PLCH1: variants seen among roughly 807,000 people sequenced by gnomAD.
PLCH1 encodes phospholipase C eta 1.
In PLCH1, 60 loss-of-function variants were observed where a neutral mutation model predicts 126.7. That is an observed-to-expected ratio of 0.47 (90% CI 0.38 to 0.59). PLCH1 has a LOEUF of 0.59. Ranked by LOEUF, PLCH1 falls within the 20% of genes least tolerant of loss-of-function variation. The pLI is 0.00. For synonymous variants in PLCH1, 719 were observed against 734.9 expected (o/e 0.98, Z 0.35); for missense variants, 1,723 against 2,040.0 (o/e 0.84, Z 2.99).
Position 155,554,151 on chromosome 3 carries a change from C to T in PLCH1, c.1115G>A (p.Gly372Asp). Reference protein sequence around the residue: ...GPDGEPVVHHGYTLTSKILFR... With the variant: ...GPDGEPVVHHDYTLTSKILFR... ...GAGAATTTTTGAAGTGAGAGTGTAA[C>T]CATGATGTACTACTGGCTCTCCATC... The change falls in exon 9 of 23, where the codon GGT becomes GAT. Residue 372 changes from glycine to aspartate, a missense_variant. By Grantham distance (94) the Gly-to-Asp change is moderately conservative. Transcript: ENST00000460012. The T allele has an allele frequency of 1.2e-6, 2 of 1,613,712 alleles. No homozygotes were observed. Among genetic ancestry groups the T allele is most frequent in the South Asian group, 1.1e-5 (1 of 91,064 alleles).
At chr3:155,647,300 G>A (rs758194283) in intron 2 of PLCH1, among the ~76,000 whole-genome samples, 4 of 151,702 alleles carry the variant, frequency 2.6e-5, no homozygotes, top group Non-Finnish European at 5.9e-5. Context: ...TCCTCTTAAC[G>A]TTTTAAAGAA....
intron 21 of PLCH1, among the ~76,000 whole-genome samples, chr3:155,451,164 C>CA (rs1712299952): frequency 6.6e-6 from 1 of 151,764 alleles, no homozygotes; most frequent in African/African-American, 2.4e-5. Context: ...TAAGAGAATT[C>CA]AAATTAATAA....
intron 2 of PLCH1, among the ~76,000 whole-genome samples, chr3:155,624,976 T>C (rs995159832): frequency 2.0e-5 from 3 of 152,138 alleles, no homozygotes; most frequent in Non-Finnish European, 2.9e-5. Flanking sequence ...GGCATCATGG[T>C]ACCTGACTTC....
intron 1 of PLCH1, among the ~76,000 whole-genome samples, chr3:155,719,599 A>C (rs1432169531): frequency 6.6e-6 from 1 of 151,950 alleles, no homozygotes; most frequent in East Asian, 1.9e-4. Context: ...TTGTGGAGTG[A>C]ATTAGGGGAT....
intron 1 of PLCH1, among the ~76,000 whole-genome samples, chr3:155,716,364 T>C (rs1452546156): frequency 2.0e-5 from 3 of 152,254 alleles, no homozygotes; most frequent in Non-Finnish European, 4.4e-5. Flanking sequence ...TATTAGTTAC[T>C]TCATTCAAAT....
Position 155,617,811 on chromosome 3 carries a change from C to T in PLCH1, c.80-21433G>A, listed in dbSNP as rs915678617. The stretch of plus-strand genomic sequence containing the variant: ...GAAAAAACTGGTCCTCACATACCTT[C>T]TCTACCCAGTCCCTGTACAGGAGTC... On this transcript the variant is annotated intron_variant, in intron 2 of 22. Transcript: ENST00000460012. Among the ~76,000 whole-genome samples, 7 of 152,210 alleles carry T rather than the reference C, an allele frequency of 4.6e-5. No homozygotes were observed. In the South Asian group the frequency reaches 1.4e-3, roughly 31 times the overall value.
intron 6 of PLCH1, among the ~76,000 whole-genome samples, chr3:155,572,722 G>A (rs1008351546): frequency 8.6e-5 from 12 of 139,850 alleles, no homozygotes; most frequent in East Asian, 4.1e-4. Context: ...TTCTTTTCTC[G>A]TGGCATCCTT....
At chr3:155,530,647 AC>A (rs1466818455) in intron 10 of PLCH1, among the ~76,000 whole-genome samples, 3 of 152,000 alleles carry the variant, frequency 2.0e-5, no homozygotes, top group Non-Finnish European at 4.4e-5. Flanking sequence ...GAAGTCTTGA[AC>A]CCCTCAACGT....
intron 1 of PLCH1, among the ~76,000 whole-genome samples, chr3:155,729,537 TG>T (rs1748596349): frequency 6.6e-6 from 1 of 152,216 alleles, no homozygotes. Flanking sequence ...GAACAGTAGA[TG>T]CTCAAATCTC....
At chr3:155,628,356 GAAAA>G (rs34200511) in intron 2 of PLCH1, among the ~76,000 whole-genome samples, 23 of 98,146 alleles carry the variant, frequency 2.3e-4, no homozygotes, top group Middle Eastern at 5.3e-3. Flanking sequence ...CTATGCCCAG[GAAAA>G]AAAAAAAAAA....
At position 155,552,898 on chromosome 3, in the gene PLCH1, T is replaced by C. The variant is rs114511364; in HGVS notation, c.1190+1178A>G. On this transcript the variant is annotated intron_variant, in intron 9 of 22. Transcript: ENST00000460012. ...GTAGAATTGCCAAGAATTGGTTGAGTCTAGAATGACTCCCAGTTTCTGGCT... is the reference window on the plus strand; with the variant it reads ...GTAGAATTGCCAAGAATTGGTTGAGCCTAGAATGACTCCCAGTTTCTGGCT... 5.4e-3 allele frequency among the ~76,000 whole-genome samples: 824 copies of C among 152,100 alleles called. 11 individuals carry two copies. The highest frequency in any genetic ancestry group is 0.019 in the African/African-American group (789 of 41,496).
intron 2 of PLCH1, among the ~76,000 whole-genome samples, chr3:155,644,209 C>G (rs1286358906): frequency 6.6e-6 from 1 of 152,198 alleles, no homozygotes; most frequent in Non-Finnish European, 1.5e-5. Context: ...CACCCCAGAA[C>G]CACAGCTCCA....
chr3:155,451,736 G>C (rs1057038263), intron 21 of PLCH1, among the ~76,000 whole-genome samples: 1 of 152,162 alleles, frequency 6.6e-6, no homozygotes, highest in African/African-American at 2.4e-5. Context: ...ATATAAGTGA[G>C]AAAGAATGTT....
chr3:155,707,781 G>A (rs1185347782), intron 1 of PLCH1, among the ~76,000 whole-genome samples: 2 of 152,224 alleles, frequency 1.3e-5, no homozygotes, highest in South Asian at 4.2e-4. Context: ...TCCTCTCAGA[G>A]GATGATCATC....
intron 3 of PLCH1, among the ~76,000 whole-genome samples, chr3:155,594,466 A>C (rs1163808428): frequency 6.6e-6 from 1 of 152,036 alleles, no homozygotes; most frequent in Non-Finnish European, 1.5e-5. Flanking sequence ...CTAGCTACTC[A>C]GGAGGCTGAG....
chr3:155,681,005 T>C (rs1317300822), intron 2 of PLCH1, among the ~76,000 whole-genome samples: 8 of 152,166 alleles, frequency 5.3e-5, no homozygotes, highest in Non-Finnish European at 1.2e-4. Flanking sequence ...CTACTAATGT[T>C]ACTTTAAATA....
Position 155,482,685 on chromosome 3 carries a change from A to C in PLCH1, c.3341T>G (p.Ile1114Ser), listed in dbSNP as rs143719115. Residue 1114 changes from isoleucine to serine, a missense_variant, in exon 23 of 23, where the codon ATC becomes AGC. Transcript: ENST00000460012. ...NPEDFVEGKS[I>S]LSGSVLSHSN... ...ATGAGAAAGGACGCTTCCTGACAAG[A>C]TGCTTTTCCCTTCCACAAAGTCCTC... The C allele has an allele frequency of 2.5e-6, 4 of 1,614,030 alleles. No homozygotes were observed. The highest frequency in any genetic ancestry group is 3.4e-6 in the Non-Finnish European group (4 of 1,180,038).
intron 2 of PLCH1, among the ~76,000 whole-genome samples, chr3:155,652,961 C>A (rs2108902169): frequency 6.6e-6 from 1 of 152,268 alleles, no homozygotes; most frequent in South Asian, 2.1e-4. Context: ...ATAGTCCCAC[C>A]TAAGACCTCT....
At position 155,628,356 on chromosome 3, in the gene PLCH1, G is replaced by GA. The variant is rs34200511; in HGVS notation, c.80-31979dup. ...CCAAAAGTGCCTTCCCTATGCCCAG[G>GA]AAAAAAAAAAAAAAAAAAAAATCCT... On this transcript the variant is annotated intron_variant, in intron 2 of 22. Transcript: ENST00000460012. Among the ~76,000 whole-genome samples the GA allele has an allele frequency of 6.1e-3, 602 of 98,142 alleles. 7 individuals are homozygous for GA. Among genetic ancestry groups the GA allele is most frequent in the Admixed American group, 0.019 (168 of 8,904 alleles). 64.4% of individuals were successfully genotyped at this position (98,142 alleles called of 152,430 possible). A position where few individuals can be genotyped will look rare whatever the true frequency, so the allele number is the denominator to read the frequency against.
Sources: allele counts gnomAD v4.1 joint callset (sites outside exome capture counted in the v4.1 genomes callset), GRCh38; gene constraint gnomAD v4.1.1; transcripts MANE v1.5; gene names NCBI Gene and HGNC (gene_info 2026-07-23, HGNC 2026-07-21).